Variants in NAALADL2 observed in about 807,000 individuals in gnomAD.
NAALADL2 encodes the protein inactive N-acetylated-alpha-linked acidic dipeptidase-like protein 2.
NAALADL2 carries 76 observed loss-of-function variants against 87.2 expected under a neutral mutation model. The ratio of observed to expected loss-of-function variants is 0.87; its 90% confidence interval spans 0.72 to 1.05. NAALADL2 has a LOEUF of 1.05. Among genes scored for constraint, NAALADL2 ranks in the 50% least tolerant of loss-of-function variants. NAALADL2 has a pLI of 0.00. For synonymous variants in NAALADL2, 354 were observed against 331.0 expected (o/e 1.07, Z -0.75); for missense variants, 1,089 against 945.8 (o/e 1.15, Z -1.99).
Position 174,622,703 on chromosome 3 carries a change from C to T in NAALADL2, c.-115+72066C>T, listed in dbSNP as rs556526040. 8.5e-5 allele frequency among the ~76,000 whole-genome samples: 13 copies of T among 152,236 alleles called. No homozygotes were observed. In the East Asian group the frequency reaches 2.5e-3, roughly 29 times the overall value. On this transcript the variant is annotated intron_variant, in intron 2 of 3. Transcript: ENST00000434257. ...AGGAAGAGAAAATGCATTTACAGTA[C>T]TGTACTGATTTATCCATATTTTAAG...
At chr3:175,390,355 A>G (rs1412335531) in intron 5 of NAALADL2, among the ~76,000 whole-genome samples, 1 of 152,198 alleles carries the variant, frequency 6.6e-6, no homozygotes, top group Admixed American at 6.5e-5. Context: ...TTGAGAAAGA[A>G]GTGGTAGTAG....
chr3:175,539,272 T>C (rs1711854245), intron 9 of NAALADL2, among the ~76,000 whole-genome samples: 2 of 152,128 alleles, frequency 1.3e-5, no homozygotes, highest in South Asian at 4.1e-4. Flanking sequence ...CAAAGCTAAA[T>C]TGGTTAGATT....
At chr3:174,674,270 C>A (rs1210703408) in intron 2 of NAALADL2, among the ~76,000 whole-genome samples, 1 of 152,000 alleles carries the variant, frequency 6.6e-6, no homozygotes, top group Non-Finnish European at 1.5e-5. Context: ...GAGGGATACA[C>A]TGCCCATGAT....
At chr3:175,277,066 G>A (rs886124757) in intron 4 of NAALADL2, among the ~76,000 whole-genome samples, 3 of 152,036 alleles carry the variant, frequency 2.0e-5, no homozygotes, top group Admixed American at 1.3e-4. Flanking sequence ...ACATGTTGAC[G>A]CCAATATATT....
At chr3:175,633,330 T>C (rs1728067163) in intron 11 of NAALADL2, among the ~76,000 whole-genome samples, 1 of 152,128 alleles carries the variant, frequency 6.6e-6, no homozygotes. Flanking sequence ...ATTTATTTTA[T>C]GTTTTTGGAT....
chr3:175,110,110 A>T (rs933424749), intron 2 of NAALADL2, among the ~76,000 whole-genome samples: 1 of 151,894 alleles, frequency 6.6e-6, no homozygotes, highest in African/African-American at 2.4e-5. Flanking sequence ...CATTTTTCCC[A>T]TAAATTTCAC....
At chr3:175,305,837 T>C (rs1331302932) in intron 4 of NAALADL2, among the ~76,000 whole-genome samples, 1 of 152,194 alleles carries the variant, frequency 6.6e-6, no homozygotes, top group Non-Finnish European at 1.5e-5. Context: ...ATTTCTTTAA[T>C]GTTTATTCAT....
At chr3:174,796,737 G>A (rs1373885847) in intron 3 of NAALADL2, among the ~76,000 whole-genome samples, 1 of 152,056 alleles carries the variant, frequency 6.6e-6, no homozygotes, top group South Asian at 2.1e-4. Flanking sequence ...CATTTTTGTC[G>A]TTTGAGCATT....
chr3:175,267,735 G>C (rs115229546), intron 4 of NAALADL2, among the ~76,000 whole-genome samples: 318 of 152,150 alleles, frequency 2.1e-3, no homozygotes, highest in Middle Eastern at 3.4e-3. Context: ...TACATGAGAG[G>C]TCTCCCTGTC....
At chr3:175,086,772 A>C (rs953586442) in intron 1 of NAALADL2, among the ~76,000 whole-genome samples, 2 of 152,120 alleles carry the variant, frequency 1.3e-5, no homozygotes, top group African/African-American at 4.8e-5. Context: ...GAACTTACCC[A>C]AAACTATTAG....
At chr3:175,456,725 A>G (rs370982869) in intron 6 of NAALADL2, among the ~76,000 whole-genome samples, 1 of 152,100 alleles carries the variant, frequency 6.6e-6, no homozygotes, top group East Asian at 1.9e-4. Flanking sequence ...ACAATCAGAA[A>G]TTAATCATTG....
intron 5 of NAALADL2, among the ~76,000 whole-genome samples, chr3:175,394,614 A>C (rs1395352595): frequency 1.3e-5 from 2 of 152,200 alleles, no homozygotes; most frequent in Non-Finnish European, 2.9e-5. Flanking sequence ...GTAAACTGAC[A>C]GTTGTGTTTT....
At chr3:175,791,326 T>A (rs1752750604) in intron 13 of NAALADL2, among the ~76,000 whole-genome samples, 1 of 152,122 alleles carries the variant, frequency 6.6e-6, no homozygotes, top group African/African-American at 2.4e-5. Flanking sequence ...ATGGGGTGAG[T>A]CCCCTGTGAG....
chr3:175,151,659 A>G (rs554958622), intron 2 of NAALADL2, among the ~76,000 whole-genome samples: 1 of 152,288 alleles, frequency 6.6e-6, no homozygotes, highest in East Asian at 1.9e-4. Context: ...AAAAAACCCA[A>G]TAATGATTTG....
At chr3:175,393,136 C>T (rs546216257) in intron 5 of NAALADL2, among the ~76,000 whole-genome samples, 5 of 150,092 alleles carry the variant, frequency 3.3e-5, no homozygotes, top group South Asian at 2.1e-4. Context: ...TAGCCGGGCG[C>T]GGTGGCGGGC....
intron 11 of NAALADL2, among the ~76,000 whole-genome samples, chr3:175,638,815 C>T (rs993690736): frequency 1.2e-4 from 18 of 151,964 alleles, no homozygotes; most frequent in Non-Finnish European, 1.9e-4. Context: ...TTTTATTTTC[C>T]TAAAGACTCC....
At chr3:175,371,253 T>A (rs1403500723) in intron 5 of NAALADL2, among the ~76,000 whole-genome samples, 1 of 151,982 alleles carries the variant, frequency 6.6e-6, no homozygotes, top group African/African-American at 2.4e-5. Flanking sequence ...CAACTAATAT[T>A]ATGGATGATA....
chr3:174,952,409 T>C (rs1034335612), intron 1 of NAALADL2, among the ~76,000 whole-genome samples: 3 of 152,142 alleles, frequency 2.0e-5, no homozygotes, highest in African/African-American at 7.2e-5. Flanking sequence ...TTCCCCACTT[T>C]AGACAGGATT....
chr3:174,913,425 T>C (rs577835417), intron 1 of NAALADL2, among the ~76,000 whole-genome samples: 1 of 152,218 alleles, frequency 6.6e-6, no homozygotes, highest in East Asian at 1.9e-4. Flanking sequence ...TACTGTTAAT[T>C]TGTCTTTTGT....
Sources: allele counts gnomAD v4.1 joint callset (sites outside exome capture counted in the v4.1 genomes callset), GRCh38; gene constraint gnomAD v4.1.1; transcripts MANE v1.5; gene names NCBI Gene and HGNC (gene_info 2026-07-23, HGNC 2026-07-21).